DACH2: variants seen among roughly 807,000 people sequenced by gnomAD.
DACH2 encodes the protein dachshund homolog 2.
In DACH2, 17 loss-of-function variants were observed where a neutral mutation model predicts 35.8. The observed-to-expected ratio is 0.48, with a 90% CI of 0.33 to 0.71. DACH2 has a LOEUF of 0.71. Ranked by LOEUF, DACH2 falls within the 30% of genes least tolerant of loss-of-function variation. The probability of loss-of-function intolerance (pLI) is 0.02; values close to 1 mark genes in which losing one functional copy is unlikely to be tolerated. For missense variants in DACH2, 469 were observed against 472.7 expected (o/e 0.99, Z 0.07); for synonymous variants, 195 against 177.3 (o/e 1.10, Z -0.79).
chrX:86,406,267 C>A lies in DACH2; in HGVS notation c.527+29405C>A, dbSNP rs375988862. Among the ~76,000 whole-genome samples the A allele has an allele frequency of 8.0e-5, 9 of 111,982 alleles. No homozygotes were observed. In the East Asian group the frequency reaches 2.5e-3, roughly 32 times the overall value. On this transcript the variant is annotated intron_variant, in intron 2 of 11. Transcript: ENST00000373125. ...CATGGATGGATCTGGAGGCCATTAT[C>A]CTACACAAACTAAGAGAGGAACAGA...
At chrX:86,776,379 A>G (rs979617409) in intron 7 of DACH2, among the ~76,000 whole-genome samples, 2 of 111,255 alleles carry the variant, frequency 1.8e-5, no homozygotes, top group African/African-American at 6.5e-5. Flanking sequence ...CAAAGGCCCC[A>G]CCTCCAAATA....
intron 2 of DACH2, among the ~76,000 whole-genome samples, chrX:86,378,991 C>T (rs775521560): frequency 1.3e-4 from 14 of 110,810 alleles, no homozygotes; most frequent in Non-Finnish European, 2.7e-4. Flanking sequence ...CAGTGAAATG[C>T]AGTATGAAAC....
chrX:86,237,653 T>A (rs2033083287), intron 1 of DACH2, among the ~76,000 whole-genome samples: 1 of 111,555 alleles, frequency 9.0e-6, no homozygotes, highest in Non-Finnish European at 1.9e-5. Flanking sequence ...ATCTCACACA[T>A]GGCAAGGGAA....
intron 7 of DACH2, among the ~76,000 whole-genome samples, chrX:86,782,499 T>G (rs777689091): frequency 9.0e-6 from 1 of 111,276 alleles, no homozygotes; most frequent in East Asian, 2.8e-4. Flanking sequence ...TGCCTGACTT[T>G]CAATAATACC....
At chrX:86,400,951 T>C (rs1244491018) in intron 2 of DACH2, among the ~76,000 whole-genome samples, 1 of 112,528 alleles carries the variant, frequency 8.9e-6, no homozygotes. Context: ...TACTGTCTTT[T>C]GTTTGTCGGT....
chrX:86,540,534 G>A (rs1206501456), intron 3 of DACH2, among the ~76,000 whole-genome samples: 1 of 112,415 alleles, frequency 8.9e-6, no homozygotes, highest in Non-Finnish European at 1.9e-5. Context: ...GATCTCTTCT[G>A]TTGGTACATT....
chrX:86,187,574 C>T (rs756494227), intron 1 of DACH2, among the ~76,000 whole-genome samples: 9 of 109,441 alleles, frequency 8.2e-5, no homozygotes, highest in Non-Finnish European at 1.7e-4. Flanking sequence ...TGTGCCACCA[C>T]GCCCAGCTAA....
chrX:86,510,909 G>C (rs967837827), intron 2 of DACH2, among the ~76,000 whole-genome samples: 1 of 111,606 alleles, frequency 9.0e-6, no homozygotes, highest in Non-Finnish European at 1.9e-5. Flanking sequence ...TTTAATTAAA[G>C]AGTAATTACA....
chrX:86,570,758 C>A (rs1474424877), intron 3 of DACH2, among the ~76,000 whole-genome samples: 1 of 110,781 alleles, frequency 9.0e-6, no homozygotes, highest in Non-Finnish European at 1.9e-5. Flanking sequence ...GTTTAAAATG[C>A]TCAAAAATCT....
At chrX:86,376,916 T>C (rs1045251910) in intron 2 of DACH2, 54 bp downstream of exon 2, 17 of 526,334 alleles carry the variant, frequency 3.2e-5, no homozygotes, top group Non-Finnish European at 5.2e-5. Flanking sequence ...TCCTGGAGCC[T>C]GTACAGATTC....
intron 1 of DACH2, among the ~76,000 whole-genome samples, chrX:86,249,617 C>T (rs2033360071): frequency 9.0e-6 from 1 of 111,284 alleles, no homozygotes; most frequent in African/African-American, 3.3e-5. Context: ...TATAAATTAG[C>T]TCAGCCACTG....
At chrX:86,375,216 A>T (rs1227999675) in intron 1 of DACH2, among the ~76,000 whole-genome samples, 6 of 107,412 alleles carry the variant, frequency 5.6e-5, no homozygotes, top group Non-Finnish European at 1.2e-4. Flanking sequence ...TTCATTGAAT[A>T]ATTCTAACAC....
intron 1 of DACH2, among the ~76,000 whole-genome samples, chrX:86,267,363 A>C (rs2147968315): frequency 8.9e-6 from 1 of 112,260 alleles, no homozygotes; most frequent in African/African-American, 3.2e-5. Flanking sequence ...TTATTTAAAT[A>C]TATATTTTGT....
Position 86,219,584 on chromosome X carries a change from T to A in DACH2, c.488+70476T>A, listed in dbSNP as rs931281550. Reference sequence around the variant, plus strand: ...ATGGAAATAATTATTTAACACAACATTTTATTATATATAACGTAATAAATC... The same window carrying A: ...ATGGAAATAATTATTTAACACAACAATTTATTATATATAACGTAATAAATC... On this transcript the variant is annotated intron_variant, in intron 1 of 11. Transcript: ENST00000373125. Among the ~76,000 whole-genome samples, 3 of 111,685 alleles carry A rather than the reference T, an allele frequency of 2.7e-5. No homozygotes were observed. In the Admixed American group the frequency reaches 2.9e-4, roughly 11 times the overall value.
At chrX:86,564,965 G>A (rs954098845) in intron 3 of DACH2, among the ~76,000 whole-genome samples, 4 of 110,802 alleles carry the variant, frequency 3.6e-5, no homozygotes, top group African/African-American at 6.6e-5. Context: ...TTCTCCACCC[G>A]CTTCTCACTC....
At chrX:86,732,122 G>A (rs776283271) in intron 6 of DACH2, among the ~76,000 whole-genome samples, 2 of 111,975 alleles carry the variant, frequency 1.8e-5, no homozygotes, top group South Asian at 3.7e-4. Context: ...CCATTGGACA[G>A]CACTCCATTA....
chrX:86,508,333 C>T (rs940497676), intron 2 of DACH2, among the ~76,000 whole-genome samples: 3 of 110,333 alleles, frequency 2.7e-5, no homozygotes, highest in Admixed American at 9.7e-5. Flanking sequence ...CCGAGGCGGG[C>T]GGATCACTTG....
chrX:86,454,271 A>G (rs746139609), intron 2 of DACH2, among the ~76,000 whole-genome samples: 1 of 111,071 alleles, frequency 9.0e-6, no homozygotes, highest in African/African-American at 3.3e-5. Context: ...GGACCTTATC[A>G]TGGAGTATCT....
chrX:86,180,448 C>T (rs2031452818), intron 1 of DACH2, among the ~76,000 whole-genome samples: 1 of 108,789 alleles, frequency 9.2e-6, no homozygotes, highest in Non-Finnish European at 1.9e-5. Flanking sequence ...CAAACCATCT[C>T]CCGAGGCATT....
Sources: gnomAD v4.1 joint callset for allele counts (sites outside exome capture counted in the v4.1 genomes callset) on GRCh38, gnomAD v4.1.1 for gene constraint, MANE v1.5 for transcripts, NCBI Gene and HGNC (gene_info 2026-07-23, HGNC 2026-07-21) for gene names.